Variants in ZNF75A observed in about 807,000 individuals in gnomAD.
ZNF75A encodes zinc finger protein 75A.
In ZNF75A, 36 loss-of-function variants were observed where a neutral mutation model predicts 46.3. The observed-to-expected ratio is 0.78, with a 90% CI of 0.60 to 1.03. The LOEUF is 1.03. Ranked by LOEUF, ZNF75A falls within the 50% of genes least tolerant of loss-of-function variation. ZNF75A has a pLI of 0.00. For synonymous variants in ZNF75A, 234 were observed against 189.9 expected, an observed-to-expected ratio of 1.23 and a Z score of -1.91; for missense variants, 595 against 551.3, an observed-to-expected ratio of 1.08 and a Z score of -0.79.
At position 3,317,519 on chromosome 16, in the gene ZNF75A, A is replaced by G. The variant is rs749598376; in HGVS notation, c.1264A>G (p.Arg422Gly). Residue 422 changes from arginine (R) to glycine (G), a missense_variant, in exon 7 of 7, where the codon AGA becomes GGA. By Grantham distance (125) the Arg-to-Gly change is moderately radical. Coordinates refer to ENST00000669516, the MANE Select transcript of ZNF75A (RefSeq NM_001302109.2). ...RVSSDLIKHQ[R>G]IHTEEKPYKC... is the part of the protein sequence containing the mutation. Reference sequence around the variant, plus strand: ...TAGCTCTGACCTTATTAAGCACCAAAGAATTCACACTGAAGAGAAACCCTA... The same window carrying G: ...TAGCTCTGACCTTATTAAGCACCAAGGAATTCACACTGAAGAGAAACCCTA... 6.2e-7 allele frequency: 1 copy of G among 1,613,896 alleles called. No homozygotes were observed. The highest frequency in any genetic ancestry group is 1.3e-5 in the African/African-American group (1 of 74,926).
At chr16:3,314,937 AC>A (rs376185437) in intron 5 of ZNF75A, 15 of 985,262 alleles carry the variant, frequency 1.5e-5, no homozygotes, top group Middle Eastern at 1.0e-3. Flanking sequence ...CTGAGAATGA[AC>A]CTCTGTGAGA....
chr16:3,305,551 T>A lies in ZNF75A; in HGVS notation c.-209T>A, dbSNP rs1960128876. On this transcript the variant is annotated 5_prime_UTR_variant, in exon 1 of 7. Transcript: ENST00000669516. ...GGTAGGCCAGCGGTGGGCTGGCGGT[T>A]GCGCTCCTCAGATCGGCGGCCTTTC... is the stretch of plus-strand genomic sequence containing the variant. 1 of 152,272 alleles carries A rather than the reference T, an allele frequency of 6.6e-6. No individual in the cohort carries two copies. The highest frequency in any genetic ancestry group is 6.5e-5 in the Admixed American group (1 of 15,288). The allele number at this position is 152,272 out of a possible 1,614,324, so 9.4% of individuals were successfully genotyped here.
chr16:3,317,755 C>T lies in ZNF75A; in HGVS notation c.1500C>T (p.His500=), dbSNP rs1291765356. 1.2e-6 allele frequency: 2 copies of T among 1,614,168 alleles called. No homozygotes were observed. Among genetic ancestry groups the T allele is most frequent in the South Asian group, 2.2e-5 (2 of 91,078 alleles). ...GAAAAAAATTCAGTCAGAACTCCCA[C>T]CTTATTAAACACCGGAGAACCCACA... ...ECGKKFSQNS[H]LIKHRRTHTG... is the part of the protein sequence containing the mutation. The change falls in exon 7 of 7, where the codon CAC becomes CAT. Residue 500 remains histidine (H), a synonymous_variant. Transcript: ENST00000669516.
Position 3,308,295 on chromosome 16 carries a change from T to C in ZNF75A, c.-116-18T>C, listed in dbSNP as rs1294737421. The C allele has an allele frequency of 6.0e-6, 3 of 497,304 alleles. No individual in the cohort carries two copies. In the African/African-American group the frequency reaches 6.3e-5, roughly 10 times the overall value. 30.8% of individuals were successfully genotyped at this position (497,304 alleles called of 1,614,324 possible). ...TGAGTTTCTTATTGATACATACTTT[T>C]CTTTTTCTTGTCCTCAGTGCTTTTA... is the stretch of plus-strand genomic sequence containing the variant. On this transcript the variant is annotated intron_variant, in intron 1 of 6. Transcript: ENST00000669516.
At chr16:3,314,849 A>T (rs2150821678) in intron 5 of ZNF75A, 12 of 985,362 alleles carry the variant, frequency 1.2e-5, no homozygotes, top group Non-Finnish European at 1.3e-5. Flanking sequence ...ATGCAGGAAA[A>T]CTGTAAGACT....
chr16:3,306,538 C>G (rs536999165), intron 1 of ZNF75A: 46 of 152,042 alleles, frequency 3.0e-4, no homozygotes, highest in African/African-American at 1.1e-3. Context: ...ATGGTGAAAC[C>G]CTGTCTCTAC....
chr16:3,316,419 T>A (rs891844018), intron 5 of ZNF75A: 1 of 152,326 alleles, frequency 6.6e-6, no homozygotes, highest in Admixed American at 6.5e-5. Context: ...AAATCTATCC[T>A]AGTTGAGGGC....
At chr16:3,321,100 T>C (rs117631392), downstream of ZNF75A, among the ~76,000 whole-genome samples, 81 of 152,328 alleles carry the variant, frequency 5.3e-4, no homozygotes, top group Non-Finnish European at 8.4e-4. Context: ...ATTACTAAAA[T>C]GATATCAGAT....
At chr16:3,307,606 T>C (rs1479371093) in intron 1 of ZNF75A, 2 of 152,002 alleles carry the variant, frequency 1.3e-5, no homozygotes, top group Non-Finnish European at 2.9e-5. Context: ...CAACCTTGAA[T>C]TCCTGGGCTC....
At chr16:3,314,400 T>A (rs1385610337) in intron 5 of ZNF75A, among the ~76,000 whole-genome samples, 1 of 152,206 alleles carries the variant, frequency 6.6e-6, no homozygotes, top group Non-Finnish European at 1.5e-5. Flanking sequence ...CAGTCCCAGT[T>A]GAGCTGTGCT....
Position 3,317,840 on chromosome 16 carries a change from C to G in ZNF75A, c.1585C>G (p.Leu529Val), listed in dbSNP as rs199526433. 1.9e-6 allele frequency: 3 copies of G among 1,610,712 alleles called. No homozygotes were observed. The highest frequency in any genetic ancestry group is 2.5e-6 in the Non-Finnish European group (3 of 1,178,042). Residue 529 changes from leucine (L) to valine (V), a missense_variant, in exon 7 of 7, where the codon CTT becomes GTT. Physicochemically the swap from Leu to Val is conservative, Grantham distance 32. Transcript: ENST00000669516. ...CRRNFSRRSS[L>V]LRHQKLHL ...GAGAAACTTCAGCAGGCGGTCAAGC[C>G]TTCTTAGACACCAGAAACTCCACCT...
chr16:3,323,258 G>T, downstream of ZNF75A: 1 of 797,122 alleles, frequency 1.3e-6, no homozygotes, highest in East Asian at 2.5e-5. Context: ...CCTTGAGGAA[G>T]CCCACTGTAT....
At position 3,317,299 on chromosome 16, in the gene ZNF75A, C is replaced by G. The variant is rs777132601; in HGVS notation, c.1044C>G (p.Pro348=). The change falls in exon 7 of 7, where the codon CCC becomes CCG. Residue 348 remains proline, a synonymous_variant. Transcript: ENST00000669516. ...VISKKAKVKV[P]QKTAGKENHF... ...CAAAAAAGGCCAAAGTAAAAGTTCC[C>G]CAGAAAACAGCAGGCAAAGAAAATC... 11 of 1,613,782 alleles carry G rather than the reference C, an allele frequency of 6.8e-6. No homozygotes were observed. The highest frequency in any genetic ancestry group is 3.3e-5 in the Admixed American group (2 of 59,980).
downstream of ZNF75A, among the ~76,000 whole-genome samples, chr16:3,322,434 C>T (rs1366923144): frequency 6.6e-6 from 1 of 152,192 alleles, no homozygotes; most frequent in Non-Finnish European, 1.5e-5. Flanking sequence ...TTCAGTCGAG[C>T]GTCTGTAAGG....
intron 5 of ZNF75A, 46 bp from the exon 6 acceptor site, chr16:3,316,866 C>G: frequency 7.6e-7 from 1 of 1,315,536 alleles, no homozygotes; most frequent in Non-Finnish European, 1.1e-6. Context: ...TGGACCAGTT[C>G]ACTGTTAAGT....
chr16:3,307,262 A>C (rs544855681), intron 1 of ZNF75A: 1 of 151,980 alleles, frequency 6.6e-6, no homozygotes, highest in South Asian at 2.1e-4. Flanking sequence ...GTTTTAAATA[A>C]CTCTTACTAC....
intron 5 of ZNF75A, among the ~76,000 whole-genome samples, chr16:3,313,421 G>A (rs57002717): frequency 0.055 from 8,365 of 152,198 alleles, 786 homozygotes; most frequent in African/African-American, 0.19. Flanking sequence ...TTCCTCTTCT[G>A]TGTCTTACTT....
intron 2 of ZNF75A, chr16:3,311,018 A>G (rs1377276394): frequency 2.3e-6 from 2 of 863,028 alleles, no homozygotes; most frequent in African/African-American, 1.8e-5. Context: ...GGCTATAGGG[A>G]TAATCAGGCT....
chr16:3,320,995 C>T (rs1179244747), downstream of ZNF75A, among the ~76,000 whole-genome samples: 1 of 152,162 alleles, frequency 6.6e-6, no homozygotes, highest in Non-Finnish European at 1.5e-5. Flanking sequence ...AGCCAGTACC[C>T]AGCTGCTGCA....
Sources: allele counts gnomAD v4.1 joint callset (sites outside exome capture counted in the v4.1 genomes callset), GRCh38; gene constraint gnomAD v4.1.1; transcripts MANE v1.5; gene names NCBI Gene and HGNC (gene_info 2026-07-23, HGNC 2026-07-21).